LUZP2: variants seen among roughly 807,000 people sequenced by gnomAD.
The protein encoded by LUZP2 is leucine zipper protein 2.
LUZP2 carries 52 observed loss-of-function variants against 51.6 expected under a neutral mutation model. That is an observed-to-expected ratio of 1.01 (90% CI 0.81 to 1.27). The LOEUF is 1.27. Among genes scored for constraint, LUZP2 ranks in the 50% most tolerant of loss-of-function variants. The pLI is 0.00. For missense variants in LUZP2, 436 were observed against 395.4 expected, an observed-to-expected ratio of 1.10 and a Z score of -0.87; for synonymous variants, 154 against 137.3, an observed-to-expected ratio of 1.12 and a Z score of -0.85.
intron 4 of LUZP2, among the ~76,000 whole-genome samples, chr11:24,745,454 TATA>T (rs1435671679): frequency 6.6e-6 from 1 of 152,186 alleles, no homozygotes; most frequent in Non-Finnish European, 1.5e-5. Flanking sequence ...TTTACCATTA[TATA>T]ATGTCCCACT....
chr11:25,024,202 T>C (rs1857418443), intron 9 of LUZP2, among the ~76,000 whole-genome samples: 1 of 152,044 alleles, frequency 6.6e-6, no homozygotes, highest in South Asian at 2.1e-4. Flanking sequence ...TAACTTTCTG[T>C]CTCGTTGATC....
intron 10 of LUZP2, among the ~76,000 whole-genome samples, chr11:25,060,261 C>T (rs1858798757): frequency 6.6e-6 from 1 of 152,134 alleles, no homozygotes; most frequent in African/African-American, 2.4e-5. Context: ...TCATTCAAGG[C>T]ACTGACAGAT....
At chr11:24,858,579 T>C (rs7111555) in intron 5 of LUZP2, among the ~76,000 whole-genome samples, 23,654 of 152,108 alleles carry the variant, frequency 0.16, 1,989 homozygotes, top group African/African-American at 0.21. Context: ...TTTGGGACAA[T>C]AAAAGAGCTA....
intron 1 of LUZP2, among the ~76,000 whole-genome samples, chr11:24,523,995 C>T (rs1850722749): frequency 1.3e-5 from 2 of 151,728 alleles, no homozygotes; most frequent in South Asian, 4.1e-4. Context: ...TCTTCCCATT[C>T]ATTTATCTCC....
intron 7 of LUZP2, among the ~76,000 whole-genome samples, chr11:24,948,150 T>A (rs1365169990): frequency 2.0e-5 from 3 of 151,782 alleles, no homozygotes; most frequent in African/African-American, 4.8e-5. Context: ...TCTCTATTCA[T>A]CTATTATTAA....
At chr11:24,971,517 A>G (rs980098597) in intron 7 of LUZP2, among the ~76,000 whole-genome samples, 3 of 152,014 alleles carry the variant, frequency 2.0e-5, no homozygotes, top group Non-Finnish European at 1.5e-5. Context: ...AGGTTGAAAA[A>G]CTACCTACTG....
rs576420345 is a variant in LUZP2, at chr11:25,068,672, G to A, written c.859-8657G>A. 1.1e-4 allele frequency among the ~76,000 whole-genome samples: 17 copies of A among 152,046 alleles called. No homozygotes were observed. The East Asian group carries it at 1.5e-3, about 14-fold the overall frequency. On this transcript the variant is annotated intron_variant, in intron 10 of 11. Coordinates refer to ENST00000336930, the MANE Select transcript of LUZP2 (RefSeq NM_001009909.4). ...CTCTTTAGATTCCAACACAGAGAAC[G>A]CATTGACTTCTTAGAAACATAGACA...
intron 1 of LUZP2, among the ~76,000 whole-genome samples, chr11:24,523,046 T>A (rs548855322): frequency 6.6e-6 from 1 of 152,012 alleles, no homozygotes; most frequent in Non-Finnish European, 1.5e-5. Flanking sequence ...TTATTTTATC[T>A]CATGGTCTCA....
At chr11:24,549,621 A>G (rs1851665476) in intron 1 of LUZP2, among the ~76,000 whole-genome samples, 1 of 152,056 alleles carries the variant, frequency 6.6e-6, no homozygotes, top group Non-Finnish European at 1.5e-5. Flanking sequence ...CACCACAAAC[A>G]TGTAAGTAAT....
chr11:24,847,010 A>G (rs973279337), intron 5 of LUZP2, among the ~76,000 whole-genome samples: 9 of 151,826 alleles, frequency 5.9e-5, no homozygotes, highest in Non-Finnish European at 1.3e-4. Context: ...CTCTCCATAT[A>G]TATGCATACA....
In LUZP2 at chr11:25,075,528, CCT is replaced by C. The variant is rs1859275769; in HGVS notation, c.859-1800_859-1799del. On this transcript the variant is annotated intron_variant, in intron 10 of 11. Coordinates refer to ENST00000336930, the MANE Select transcript of LUZP2 (RefSeq NM_001009909.4). ...CGATCTAGTGGAGATAAATGTTGCC[CCT>C]GTCTTAAAGTTATTCACAATATATT... 2.0e-5 allele frequency among the ~76,000 whole-genome samples: 3 copies of C among 151,898 alleles called. No homozygotes were observed. The South Asian group carries it at 6.2e-4, about 32-fold the overall frequency.
chr11:25,008,544 A>G (rs946437285), intron 9 of LUZP2, among the ~76,000 whole-genome samples: 2 of 152,156 alleles, frequency 1.3e-5, no homozygotes, highest in African/African-American at 4.8e-5. Flanking sequence ...GAACTGGGGC[A>G]TGTGACACCC....
At chr11:24,801,510 G>A (rs1390965442) in intron 5 of LUZP2, among the ~76,000 whole-genome samples, 1 of 151,668 alleles carries the variant, frequency 6.6e-6, no homozygotes, top group African/African-American at 2.4e-5. Context: ...ACTTTATTGT[G>A]ATTATTATTT....
chr11:24,588,355 G>A (rs906370963), intron 1 of LUZP2, among the ~76,000 whole-genome samples: 8 of 152,080 alleles, frequency 5.3e-5, no homozygotes, highest in African/African-American at 1.9e-4. Flanking sequence ...CTGAAGCTGC[G>A]ATTGACCACA....
At chr11:24,932,946 A>G (rs1440462338) in intron 7 of LUZP2, among the ~76,000 whole-genome samples, 1 of 152,108 alleles carries the variant, frequency 6.6e-6, no homozygotes, top group Non-Finnish European at 1.5e-5. Context: ...CTGTGAGACC[A>G]TGTCAGAAAT....
chr11:25,041,903 C>G (rs187943008), intron 9 of LUZP2, among the ~76,000 whole-genome samples: 1 of 152,266 alleles, frequency 6.6e-6, no homozygotes, highest in South Asian at 2.1e-4. Context: ...AGGAGGGGAA[C>G]CCCTATTGTG....
At chr11:24,765,696 C>T (rs1156526636) in intron 5 of LUZP2, among the ~76,000 whole-genome samples, 5 of 147,174 alleles carry the variant, frequency 3.4e-5, no homozygotes, top group Admixed American at 2.8e-4. Flanking sequence ...GGCTTGATCT[C>T]GGCTCACTGC....
intron 7 of LUZP2, among the ~76,000 whole-genome samples, chr11:24,967,422 T>C (rs938684025): frequency 2.0e-5 from 3 of 152,038 alleles, no homozygotes; most frequent in Non-Finnish European, 2.9e-5. Context: ...CAAATGTTTT[T>C]AACATTCTTC....
At chr11:24,623,479 C>T (rs1443902915) in intron 1 of LUZP2, among the ~76,000 whole-genome samples, 1 of 152,112 alleles carries the variant, frequency 6.6e-6, no homozygotes, top group Non-Finnish European at 1.5e-5. Flanking sequence ...ACACAAGGAT[C>T]TACTTTGTGT....
Sources: allele counts gnomAD v4.1 joint callset (sites outside exome capture counted in the v4.1 genomes callset), GRCh38; gene constraint gnomAD v4.1.1; transcripts MANE v1.5; gene names NCBI Gene and HGNC (gene_info 2026-07-23, HGNC 2026-07-21).